TMEM268: variants seen among roughly 807,000 people sequenced by gnomAD.
The protein encoded by TMEM268 is transmembrane protein C9orf91.
In TMEM268, 24 loss-of-function variants were observed where a neutral mutation model predicts 39.1. The observed-to-expected ratio is 0.61, with a 90% CI of 0.44 to 0.86. The LOEUF (loss-of-function observed/expected upper bound fraction) is 0.86, where lower values mean the gene tolerates loss of function less well. Ranked by LOEUF, TMEM268 falls within the 40% of genes least tolerant of loss-of-function variation. TMEM268 has a pLI of 0.00. For missense variants in TMEM268, 409 were observed against 428.6 expected, an observed-to-expected ratio of 0.95 and a Z score of 0.40; for synonymous variants, 176 against 173.5, an observed-to-expected ratio of 1.01 and a Z score of -0.12.
chr9:114,603,930 G>C, the TMEM268 span, among the ~76,000 whole-genome samples: 1 of 152,034 alleles, frequency 6.6e-6, no homozygotes, highest in Non-Finnish European at 1.5e-5. Flanking sequence ...TTATGGATGT[G>C]AGCCACCATG....
At chr9:114,605,132 C>T in the TMEM268 span, among the ~76,000 whole-genome samples, 1 of 152,316 alleles carries the variant, frequency 6.6e-6, no homozygotes, top group East Asian at 1.9e-4. Context: ...CAGAAGTCAG[C>T]AAAAGCTGTT....
At chr9:114,606,465 T>C (rs766727678), upstream of TMEM268, among the ~76,000 whole-genome samples, 2 of 152,190 alleles carry the variant, frequency 1.3e-5, no homozygotes, top group Non-Finnish European at 2.9e-5. Context: ...TTCCGGGAGC[T>C]GAAATCAATG....
chr9:114,624,563 C>T, intron 3 of TMEM268, 104 bp downstream of exon 3: 1 of 1,478,262 alleles, frequency 6.8e-7, no homozygotes, highest in Non-Finnish European at 9.0e-7. Flanking sequence ...ACAGTCTGTA[C>T]CAGCTGTCGT....
chr9:114,636,395 C>T (rs1846635799), intron 6 of TMEM268, among the ~76,000 whole-genome samples: 1 of 152,170 alleles, frequency 6.6e-6, no homozygotes, highest in Non-Finnish European at 1.5e-5. Flanking sequence ...CTCAGGTGGA[C>T]AGGTGATGTC....
chr9:114,643,267 A>G lies in TMEM268; in HGVS notation c.983A>G (p.Glu328Gly), dbSNP rs2133730783. ...ATTCCATGCCCCTGCCAGCTCATAG[A>G]AGCCTACATCCTAGGCACAGGGTGC... ...PRIPCPCQLIEAYILGTGCCP... is the reference protein window; with the variant it reads ...PRIPCPCQLIGAYILGTGCCP... The change falls in exon 9 of 9, where the codon GAA (glutamate) becomes GGA (glycine). Residue 328 changes from glutamate (E) to glycine (G), a missense_variant. Glu to Gly is a moderately conservative substitution (Grantham distance 98). Transcript: ENST00000288502. 6.2e-7 allele frequency: 1 copy of G among 1,614,084 alleles called. No homozygotes were observed. Among genetic ancestry groups the G allele is most frequent in the East Asian group, 2.2e-5 (1 of 44,870 alleles).
chr9:114,607,319 A>C (rs1377294875), upstream of TMEM268, among the ~76,000 whole-genome samples: 1 of 152,200 alleles, frequency 6.6e-6, no homozygotes, highest in Non-Finnish European at 1.5e-5. Flanking sequence ...GGGACACTGA[A>C]CAATGACAAT....
chr9:114,616,971 C>T, intron 1 of TMEM268, 147 bp from the exon 2 acceptor site: 1 of 471,078 alleles, frequency 2.1e-6, no homozygotes, highest in Non-Finnish European at 3.8e-6. Context: ...GAATTTTTCT[C>T]AGCATGTTCA....
rs143124842 is a variant in TMEM268, at chr9:114,612,081, C to T, written c.-79+517C>T. ...GACTCATTGTGTCTCAAGGTTTTTC[C>T]GCCCCGAAACTTCTGTAACAGGCCC... is the stretch of plus-strand genomic sequence containing the variant. On this transcript the variant is annotated intron_variant, in intron 1 of 8. Coordinates refer to ENST00000288502, the MANE Select transcript of TMEM268 (RefSeq NM_153045.4). 1.4e-3 allele frequency among the ~76,000 whole-genome samples: 212 copies of T among 152,270 alleles called. 1 individual carries two copies. In the Middle Eastern group the frequency reaches 0.031, roughly 22 times the overall value.
intron 1 of TMEM268, among the ~76,000 whole-genome samples, chr9:114,616,339 A>G (rs1228686163): frequency 7.1e-6 from 1 of 141,706 alleles, no homozygotes; most frequent in Non-Finnish European, 1.5e-5. Context: ...ATTTCCTACC[A>G]TCTGATTTTG....
intron 3 of TMEM268, among the ~76,000 whole-genome samples, 193 bp from the exon 4 acceptor site, chr9:114,626,706 C>T (rs1235405525): frequency 6.6e-6 from 1 of 152,030 alleles, no homozygotes; most frequent in Non-Finnish European, 1.5e-5. Context: ...GGATCCTTCT[C>T]CAGATGTCAT....
At chr9:114,617,631 C>T (rs767785379) in intron 2 of TMEM268, among the ~76,000 whole-genome samples, 13 of 152,114 alleles carry the variant, frequency 8.5e-5, no homozygotes, top group Non-Finnish European at 1.2e-4. Flanking sequence ...AGTGCAGTGG[C>T]GTGATTGTAG....
chr9:114,624,010 C>T (rs1846049985), intron 2 of TMEM268: 1 of 211,228 alleles, frequency 4.7e-6, no homozygotes, highest in Admixed American at 5.4e-5. Context: ...GTTTTTCAGT[C>T]TCTGTTTAAA....
At chr9:114,625,084 C>T (rs560125416) in intron 3 of TMEM268, among the ~76,000 whole-genome samples, 1 of 152,316 alleles carries the variant, frequency 6.6e-6, no homozygotes, top group Admixed American at 6.5e-5. Context: ...AGATCTAGCT[C>T]CGATGCTCAC....
At chr9:114,616,569 T>C (rs1845721609) in intron 1 of TMEM268, among the ~76,000 whole-genome samples, 1 of 151,406 alleles carries the variant, frequency 6.6e-6, no homozygotes, top group South Asian at 2.1e-4. Flanking sequence ...TTTCACCATG[T>C]TGGCCAGGCT....
At chr9:114,633,159 T>C (rs2418313) in intron 5 of TMEM268, among the ~76,000 whole-genome samples, 40,734 of 150,012 alleles carry the variant, frequency 0.27, 5,890 homozygotes, top group South Asian at 0.4. Flanking sequence ...ACATGCCTAG[T>C]TAATTTTTTT....
chr9:114,636,340 A>G (rs1053144490), intron 6 of TMEM268, among the ~76,000 whole-genome samples: 2 of 151,892 alleles, frequency 1.3e-5, no homozygotes, highest in African/African-American at 4.8e-5. Context: ...GAAGGGTTTC[A>G]CTCATTTGCA....
rs1385372640 is a variant in TMEM268 at position 114,643,285 on chromosome 9, C to T, written c.1001C>T (p.Thr334Ile). The change falls in exon 9 of 9, where the codon ACA (threonine) becomes ATA (isoleucine). Residue 334 changes from threonine to isoleucine, a missense_variant. Coordinates refer to ENST00000288502, the MANE Select transcript of TMEM268 (RefSeq NM_153045.4). ...CQLIEAYILG[T>I]GCCPFLAR ...CTCATAGAAGCCTACATCCTAGGCA[C>T]AGGGTGCTGCCCGTTCCTGGCGAGG... is the stretch of plus-strand genomic sequence containing the variant. 1.9e-6 allele frequency: 3 copies of T among 1,614,128 alleles called. No individual in the cohort carries two copies. Among genetic ancestry groups the T allele is most frequent in the Non-Finnish European group, 2.5e-6 (3 of 1,179,996 alleles).
intron 8 of TMEM268, 73 bp from the exon 9 acceptor site, chr9:114,643,061 C>G: frequency 6.7e-7 from 1 of 1,486,702 alleles, no homozygotes; most frequent in Non-Finnish European, 9.3e-7. Flanking sequence ...GCATGTCCTT[C>G]CCCTGGTGCC....
chr9:114,620,457 C>T lies in TMEM268; in HGVS notation c.106+3156C>T, dbSNP rs147294867. Reference sequence around the variant, plus strand: ...AGACGGGGTTTTTCACCATGTTGCCCGGGTTGATCTCAACCTCCTGGGCTC... The same window carrying T: ...AGACGGGGTTTTTCACCATGTTGCCTGGGTTGATCTCAACCTCCTGGGCTC... On this transcript the variant is annotated intron_variant, in intron 2 of 8. Transcript: ENST00000288502. Among the ~76,000 whole-genome samples the T allele has an allele frequency of 3.5e-3, 532 of 152,118 alleles. 10 individuals are homozygous for T. Among genetic ancestry groups the T allele is most frequent in the Admixed American group, 0.03 (462 of 15,274 alleles).
Sources: allele counts gnomAD v4.1 joint callset (sites outside exome capture counted in the v4.1 genomes callset), GRCh38; gene constraint gnomAD v4.1.1; transcripts MANE v1.5; gene names NCBI Gene and HGNC (gene_info 2026-07-23, HGNC 2026-07-21).